POU2F1: variants seen among roughly 807,000 people sequenced by gnomAD.
POU2F1 encodes POU class 2 homeobox 1, also known as POU domain, class 2, transcription factor 1.
In POU2F1, 16 loss-of-function variants were observed where a neutral mutation model predicts 84.9. The ratio of observed to expected loss-of-function variants is 0.19; its 90% CI spans 0.13 to 0.29. The LOEUF is 0.29. Among genes scored for constraint, POU2F1 ranks in the 10% least tolerant of loss-of-function variants. POU2F1 has a pLI of 1.00. For missense variants in POU2F1, 738 were observed against 942.6 expected (o/e 0.78, Z 2.84); for synonymous variants, 368 against 368.3 (o/e 1.00, Z 0.01).
At chr1:167,367,554 A>C (rs1337367090) in intron 3 of POU2F1, among the ~76,000 whole-genome samples, 2 of 152,074 alleles carry the variant, frequency 1.3e-5, no homozygotes, top group African/African-American at 2.4e-5. Context: ...AGCTAAATGG[A>C]GTTGGTAAAG....
intron 2 of POU2F1, among the ~76,000 whole-genome samples, chr1:167,351,519 C>CAAAAAAAAAAAAAAAAAAAAA (rs34170498): frequency 5.2e-4 from 24 of 45,988 alleles, no homozygotes; most frequent in Non-Finnish European, 6.4e-4. Context: ...AGCACCATCT[C>CAAAAAAAAAAAAAAAAAAAAA]AAAAAAAAAA....
chr1:167,323,338 G>A (rs1432590175), intron 1 of POU2F1, among the ~76,000 whole-genome samples: 2 of 152,148 alleles, frequency 1.3e-5, no homozygotes, highest in African/African-American at 2.4e-5. Flanking sequence ...TTCAGGATTG[G>A]ATTTTGTAAT....
In POU2F1 at chr1:167,264,728, T is replaced by C. The variant is rs1449557420; in HGVS notation, c.61+43770T>C. On this transcript the variant is annotated intron_variant, in intron 1 of 15. Transcript: ENST00000367866. Reference sequence around the variant, plus strand: ...GCTATTCTTTTTTTATCTTTTTTCTTAAGAAATTTTTTTAAAAAAATTTAT... The same window carrying C: ...GCTATTCTTTTTTTATCTTTTTTCTCAAGAAATTTTTTTAAAAAAATTTAT... Among the ~76,000 whole-genome samples the C allele has an allele frequency of 2.0e-5, 3 of 152,304 alleles. No individual in the cohort carries two copies. In the East Asian group the frequency reaches 5.8e-4, roughly 29 times the overall value.
chr1:167,249,541 G>C (rs1253936896), intron 1 of POU2F1, among the ~76,000 whole-genome samples: 1 of 152,160 alleles, frequency 6.6e-6, no homozygotes, highest in East Asian at 1.9e-4. Context: ...GCAAGGGAGT[G>C]GAAAGTCTTG....
chr1:167,301,415 A>T (rs1350014852), intron 1 of POU2F1, among the ~76,000 whole-genome samples: 2 of 152,220 alleles, frequency 1.3e-5, no homozygotes, highest in Admixed American at 6.5e-5. Context: ...TTTTTTAAAA[A>T]TTGTTCTTAA....
intron 1 of POU2F1, among the ~76,000 whole-genome samples, chr1:167,304,903 T>C (rs895379084): frequency 6.6e-6 from 1 of 152,134 alleles, no homozygotes; most frequent in South Asian, 2.1e-4. Flanking sequence ...TGAAAAAAAA[T>C]GATGTTATAG....
intron 13 of POU2F1, among the ~76,000 whole-genome samples, chr1:167,408,518 A>T (rs1649743791): frequency 6.6e-6 from 1 of 152,250 alleles, no homozygotes. Context: ...GTGGAATATT[A>T]TTCAGCCATA....
chr1:167,289,719 A>C (rs1653783728), intron 1 of POU2F1, among the ~76,000 whole-genome samples: 2 of 152,212 alleles, frequency 1.3e-5, no homozygotes, highest in South Asian at 4.1e-4. Flanking sequence ...AGGTCTTAGG[A>C]GTTACACTAA....
At chr1:167,387,038 C>T (rs1216951776) in intron 8 of POU2F1, 4 of 379,624 alleles carry the variant, frequency 1.1e-5, no homozygotes, top group African/African-American at 8.5e-5. Flanking sequence ...TGTGAATATG[C>T]TGAATGCAAG....
intron 1 of POU2F1, among the ~76,000 whole-genome samples, chr1:167,284,843 T>TTAG (rs1653406806): frequency 6.6e-6 from 1 of 152,224 alleles, no homozygotes; most frequent in Admixed American, 6.5e-5. Context: ...TAGAATTCTG[T>TTAG]TAGTGCCTTT....
chr1:167,249,781 G>T (rs924129435), intron 1 of POU2F1, among the ~76,000 whole-genome samples: 4 of 152,168 alleles, frequency 2.6e-5, no homozygotes, highest in Non-Finnish European at 5.9e-5. Flanking sequence ...TTCAAGATCT[G>T]GTGGTCATTG....
intron 10 of POU2F1, 133 bp downstream of exon 10, chr1:167,396,560 G>T: frequency 1.2e-6 from 1 of 836,020 alleles, no homozygotes; most frequent in Non-Finnish European, 1.8e-6. Flanking sequence ...ATCCTGGGAG[G>T]ATCATTATAA....
intron 1 of POU2F1, among the ~76,000 whole-genome samples, chr1:167,295,579 C>G (rs913403696): frequency 1.3e-5 from 2 of 152,210 alleles, no homozygotes; most frequent in African/African-American, 4.8e-5. Flanking sequence ...CATCACTATT[C>G]AGATGACAGG....
At chr1:167,317,617 C>T (rs1656000214) in intron 1 of POU2F1, among the ~76,000 whole-genome samples, 1 of 152,244 alleles carries the variant, frequency 6.6e-6, no homozygotes, top group African/African-American at 2.4e-5. Flanking sequence ...GCAGCAGGAA[C>T]ATGTCCTTAA....
At chr1:167,223,857 C>T (rs1050491863) in intron 1 of POU2F1, among the ~76,000 whole-genome samples, 2 of 152,162 alleles carry the variant, frequency 1.3e-5, no homozygotes. Context: ...TATGTTTTTG[C>T]ACCCGATTCC....
intron 1 of POU2F1, among the ~76,000 whole-genome samples, chr1:167,284,466 T>G (rs1050104832): frequency 3.3e-5 from 5 of 152,198 alleles, no homozygotes; most frequent in Non-Finnish European, 7.4e-5. Flanking sequence ...TTGCACTCTT[T>G]CCATTGCTAC....
At chr1:167,255,095 C>T (rs1651033005) in intron 1 of POU2F1, among the ~76,000 whole-genome samples, 1 of 152,176 alleles carries the variant, frequency 6.6e-6, no homozygotes, top group African/African-American at 2.4e-5. Context: ...TGTATTTTTA[C>T]AGAGCTTTTC....
At chr1:167,286,711 G>A (rs1434469609) in intron 1 of POU2F1, among the ~76,000 whole-genome samples, 2 of 152,126 alleles carry the variant, frequency 1.3e-5, no homozygotes, top group African/African-American at 4.8e-5. Flanking sequence ...ATTTTGTGTA[G>A]TGCTATGGAA....
At chr1:167,335,000 T>C (rs1657343120) in intron 2 of POU2F1, among the ~76,000 whole-genome samples, 2 of 152,166 alleles carry the variant, frequency 1.3e-5, no homozygotes, top group East Asian at 1.9e-4. Context: ...GAGAATGATA[T>C]TGTAAAATTA....
Sources: gnomAD v4.1 joint callset for allele counts (sites outside exome capture counted in the v4.1 genomes callset) on GRCh38, gnomAD v4.1.1 for gene constraint, MANE v1.5 for transcripts, NCBI Gene and HGNC (gene_info 2026-07-23, HGNC 2026-07-21) for gene names.